CNTNAP2: variants seen among roughly 807,000 people sequenced by gnomAD.
CNTNAP2 encodes contactin-associated protein-like 2.
CNTNAP2 carries 98 observed loss-of-function variants against 155.2 expected under a neutral mutation model. The ratio of observed to expected loss-of-function variants is 0.63; its 90% CI spans 0.54 to 0.75. The LOEUF (loss-of-function observed/expected upper bound fraction) is 0.75. Among genes scored for constraint, CNTNAP2 ranks in the 30% least tolerant of loss-of-function variants. The pLI, the probability that CNTNAP2 is intolerant of heterozygous loss-of-function variation, is 0.00. For synonymous variants in CNTNAP2, 651 were observed against 631.2 expected, an observed-to-expected ratio of 1.03 and a Z score of -0.47; for missense variants, 1,727 against 1,688.1, an observed-to-expected ratio of 1.02 and a Z score of -0.40.
At chr7:146,202,679 G>A (rs555225757) in intron 1 of CNTNAP2, among the ~76,000 whole-genome samples, 52 of 151,982 alleles carry the variant, frequency 3.4e-4, no homozygotes, top group Admixed American at 2.6e-3. Context: ...ACACTGTTAT[G>A]TAGCTATTAA....
chr7:146,439,676 C>CAT (rs1262178342), intron 1 of CNTNAP2, among the ~76,000 whole-genome samples: 5 of 151,390 alleles, frequency 3.3e-5, no homozygotes, highest in Non-Finnish European at 5.9e-5. Context: ...TCCTTATTTT[C>CAT]ATATATATAT....
At chr7:147,443,183 A>T (rs779753056) in intron 10 of CNTNAP2, among the ~76,000 whole-genome samples, 11 of 152,032 alleles carry the variant, frequency 7.2e-5, no homozygotes, top group Non-Finnish European at 7.4e-5. Context: ...GCTTGTGGGA[A>T]CTCAAGCACT....
intron 20 of CNTNAP2, among the ~76,000 whole-genome samples, chr7:148,253,097 G>A (rs903473063): frequency 2.1e-5 from 3 of 142,542 alleles, no homozygotes; most frequent in Non-Finnish European, 4.5e-5. Flanking sequence ...ATGAAAAACT[G>A]TAACCCCAGT....
At chr7:147,720,195 C>A (rs1156268199) in intron 13 of CNTNAP2, among the ~76,000 whole-genome samples, 1 of 151,966 alleles carries the variant, frequency 6.6e-6, no homozygotes, top group Non-Finnish European at 1.5e-5. Flanking sequence ...TAATTTCATT[C>A]TAAGAAAAGA....
intron 12 of CNTNAP2, among the ~76,000 whole-genome samples, chr7:147,629,034 A>G (rs994071570): frequency 6.6e-6 from 1 of 152,032 alleles, no homozygotes; most frequent in African/African-American, 2.4e-5. Flanking sequence ...ATGGCAACAC[A>G]ATAATAGTGG....
intron 21 of CNTNAP2, among the ~76,000 whole-genome samples, chr7:148,379,720 TAAATAAATAAATCCCTGTCC>T (rs975099618): frequency 6.6e-6 from 1 of 152,030 alleles, no homozygotes. Context: ...TCATAAATAA[TAAATAAATAAATCCCTGTCC>T]AAATAAATAA....
chr7:146,452,199 G>A lies in CNTNAP2; in HGVS notation c.98-322072G>A, dbSNP rs117355932. Among the ~76,000 whole-genome samples, 150 of 151,970 alleles carry A rather than the reference G, an allele frequency of 9.9e-4. 1 individual carries two copies. The East Asian group carries it at 0.011, about 11-fold the overall frequency. On this transcript the variant is annotated intron_variant, in intron 1 of 23. Coordinates refer to ENST00000361727, the MANE Select transcript of CNTNAP2 (RefSeq NM_014141.6). ...TAGGATTACAGGAGTGAGCCACTGC[G>A]CCCGGCCTCTTCTATATATTTTGTC...
At chr7:148,308,785 T>C (rs1483851405) in intron 21 of CNTNAP2, among the ~76,000 whole-genome samples, 1 of 151,030 alleles carries the variant, frequency 6.6e-6, no homozygotes, top group African/African-American at 2.4e-5. Context: ...GTCCATGTGT[T>C]CTCATTGTTC....
intron 9 of CNTNAP2, among the ~76,000 whole-genome samples, chr7:147,360,816 A>G (rs934632978): frequency 2.6e-5 from 4 of 152,266 alleles, no homozygotes; most frequent in African/African-American, 9.6e-5. Context: ...CCCTAAATGA[A>G]ATCAGCAGAG....
At chr7:146,158,234 A>G (rs1354613370) in intron 1 of CNTNAP2, among the ~76,000 whole-genome samples, 2 of 152,228 alleles carry the variant, frequency 1.3e-5, no homozygotes, top group African/African-American at 4.8e-5. Flanking sequence ...CCCTATCTGT[A>G]TGTCACCATC....
At chr7:147,973,301 G>T (rs73168528) in intron 14 of CNTNAP2, among the ~76,000 whole-genome samples, 54,880 of 151,658 alleles carry the variant, frequency 0.36, 12,025 homozygotes, top group Middle Eastern at 0.64. Flanking sequence ...ACATGCCATT[G>T]CTTGTGGCTT....
chr7:146,230,265 G>A (rs995813639), intron 1 of CNTNAP2, among the ~76,000 whole-genome samples: 1 of 152,180 alleles, frequency 6.6e-6, no homozygotes, highest in African/African-American at 2.4e-5. Context: ...TAATGTGGAA[G>A]TGTCAAAAGA....
At chr7:146,128,870 A>G (rs1353798145) in intron 1 of CNTNAP2, among the ~76,000 whole-genome samples, 1 of 136,184 alleles carries the variant, frequency 7.3e-6, no homozygotes. Context: ...TAATCTTGGT[A>G]TTACAGAAAA....
In CNTNAP2 at chr7:147,271,812, G is replaced by A. The variant is rs112471219; in HGVS notation, c.1349-28329G>A. On this transcript the variant is annotated intron_variant, in intron 8 of 23. Transcript: ENST00000361727. ...AACACTTGGAATTTTGGGAGCTACA[G>A]TTCAAAATGACATTTGGGTGGGGAC... Among the ~76,000 whole-genome samples the A allele has an allele frequency of 4.4e-3, 674 of 152,290 alleles. 13 individuals are homozygous for A. Among genetic ancestry groups the A allele is most frequent in the African/African-American group, 0.015 (629 of 41,568 alleles).
At chr7:146,426,831 G>T (rs1796100506) in intron 1 of CNTNAP2, among the ~76,000 whole-genome samples, 1 of 151,458 alleles carries the variant, frequency 6.6e-6, no homozygotes, top group South Asian at 2.1e-4. Context: ...ATTGATAAAA[G>T]AGTAGATTGT....
intron 4 of CNTNAP2, among the ~76,000 whole-genome samples, chr7:147,096,083 A>G (rs1800525736): frequency 6.6e-6 from 1 of 152,202 alleles, no homozygotes; most frequent in Non-Finnish European, 1.5e-5. Flanking sequence ...CTTTTGAAAA[A>G]TAAAAACACA....
chr7:146,469,387 A>T (rs1796761060), intron 1 of CNTNAP2, among the ~76,000 whole-genome samples: 2 of 152,116 alleles, frequency 1.3e-5, no homozygotes, highest in Admixed American at 1.3e-4. Flanking sequence ...CATTAAAAAA[A>T]AAAAATAGTG....
intron 8 of CNTNAP2, among the ~76,000 whole-genome samples, chr7:147,220,578 T>C (rs777340614): frequency 1.3e-5 from 2 of 152,246 alleles, no homozygotes; most frequent in Non-Finnish European, 2.9e-5. Context: ...TAATATTTAG[T>C]ACTGCTTTGT....
chr7:147,059,190 G>A (rs547271165), intron 4 of CNTNAP2, among the ~76,000 whole-genome samples: 5 of 152,208 alleles, frequency 3.3e-5, no homozygotes, highest in Non-Finnish European at 7.3e-5. Context: ...CTTATTTGGA[G>A]TTGTGCCTAG....
Sources: allele counts gnomAD v4.1 joint callset (sites outside exome capture counted in the v4.1 genomes callset), GRCh38; gene constraint gnomAD v4.1.1; transcripts MANE v1.5; gene names NCBI Gene and HGNC (gene_info 2026-07-23, HGNC 2026-07-21).